RBMS2: variants seen among roughly 807,000 people sequenced by gnomAD.
RBMS2 encodes RNA binding motif single stranded interacting protein 2.
A neutral mutation model predicts 58.4 loss-of-function variants in RBMS2; 38 were observed. The ratio of observed to expected loss-of-function variants is 0.65; its 90% confidence interval spans 0.50 to 0.85. RBMS2 has a LOEUF of 0.85. Among genes scored for constraint, RBMS2 ranks in the 40% least tolerant of loss-of-function variants. RBMS2 has a pLI of 0.00. For missense variants in RBMS2, 367 were observed against 503.7 expected (o/e 0.73, Z 2.60); for synonymous variants, 151 against 180.7 (o/e 0.84, Z 1.32).
chr12:56,587,004 G>C, intron 10 of RBMS2, 78 bp downstream of exon 10: 1 of 1,421,244 alleles, frequency 7.0e-7, no homozygotes. Flanking sequence ...TGTGGCTCAC[G>C]CCTGTAATCC....
rs371212744 is a variant in RBMS2 at position 56,582,148 on chromosome 12, A to G, written c.869A>G (p.Tyr290Cys). The G allele has an allele frequency of 6.2e-7, 1 of 1,601,034 alleles. No homozygotes were observed. The change falls in exon 9 of 14, where the codon TAT becomes TGT. Residue 290 changes from tyrosine to cysteine, a missense_variant. Physicochemically the swap from Tyr to Cys is radical, Grantham distance 194 (BLOSUM62 -2). This residue lies in a region of RBMS2 where 220 missense variants were observed against 261.1 expected (regional missense o/e 0.84). Coordinates refer to ENST00000262031, the MANE Select transcript of RBMS2 (RefSeq NM_002898.4). ...SPYLSSPVSS[Y>C]QRVTQTSPLQ... ...TACCTTTCCTCTCCTGTGTCTTCGT[A>G]TCAGGTATGTTCATGCCTGAAAAAT...
intron 2 of RBMS2, 48 bp from the exon 3 acceptor site, chr12:56,568,927 T>C (rs1248041654): frequency 1.4e-6 from 2 of 1,472,716 alleles, no homozygotes; most frequent in Non-Finnish European, 1.9e-6. Context: ...TGTCCTATTC[T>C]TAGTCTCTGC....
intron 1 of RBMS2, among the ~76,000 whole-genome samples, chr12:56,532,134 G>A (rs1384929158): frequency 1.3e-5 from 2 of 152,008 alleles, no homozygotes; most frequent in Admixed American, 6.6e-5. Context: ...CAGGAGAATC[G>A]CTTGAACCCA....
chr12:56,532,542 CA>C (rs988357992), intron 1 of RBMS2, among the ~76,000 whole-genome samples: 13 of 139,972 alleles, frequency 9.3e-5, no homozygotes, highest in East Asian at 2.1e-4. Context: ...AACTCTGTCT[CA>C]AAAAAAAAAG....
intron 1 of RBMS2, among the ~76,000 whole-genome samples, chr12:56,522,726 C>G (rs1276669224): frequency 4.6e-5 from 7 of 152,152 alleles, no homozygotes; most frequent in Non-Finnish European, 1.0e-4. Context: ...CTGCAGATAG[C>G]CAGACTTTGC....
chr12:56,588,646 AAAG>A (rs1885014677), intron 12 of RBMS2: 1 of 588,530 alleles, frequency 1.7e-6, no homozygotes, highest in Admixed American at 3.1e-5. Flanking sequence ...CAGATGTAGG[AAAG>A]AAGGACTTGG....
Position 56,562,579 on chromosome 12 carries a change from C to T in RBMS2, c.229C>T (p.Gln77Ter), listed in dbSNP as rs1400347791. 6.2e-7 allele frequency: 1 copy of T among 1,613,304 alleles called. No homozygotes were observed. Residue 77 changes from glutamine (Q) to a stop codon, truncating the protein, a stop_gained, in exon 2 of 14, where the codon CAG (glutamine) becomes TAG (stop). Transcript: ENST00000262031. LOFTEE classifies it high-confidence loss of function. ...TGACCAAGATCTTGTCAAGCTGTGT[C>T]AGCCGTAAGTTGGAGTACATGTGCG... ...TTDQDLVKLC[Q>*]PYGKIVSTKA... is the part of the protein sequence containing the mutation.
chr12:56,554,126 A>G (rs954880385), intron 1 of RBMS2, among the ~76,000 whole-genome samples: 1 of 152,088 alleles, frequency 6.6e-6, no homozygotes, highest in Non-Finnish European at 1.5e-5. Flanking sequence ...CACCCGGCCG[A>G]ATTCTTCTAA....
intron 9 of RBMS2, 24 bp downstream of exon 9, chr12:56,582,176 T>C (rs1347767361): frequency 1.3e-6 from 2 of 1,554,138 alleles, no homozygotes; most frequent in African/African-American, 1.4e-5. Context: ...TGAAAAATGG[T>C]GTGGTGGTTT....
At chr12:56,552,092 T>G (rs1436759494) in intron 1 of RBMS2, among the ~76,000 whole-genome samples, 1 of 152,124 alleles carries the variant, frequency 6.6e-6, no homozygotes, top group African/African-American at 2.4e-5. Flanking sequence ...AAAAGCCTGG[T>G]AGTGTGATGA....
chr12:56,540,173 A>G (rs1461825482), intron 1 of RBMS2, among the ~76,000 whole-genome samples: 1 of 152,086 alleles, frequency 6.6e-6, no homozygotes, highest in Non-Finnish European at 1.5e-5. Flanking sequence ...TGAAAATTTT[A>G]TTAGGGCCAG....
chr12:56,522,388 T>C (rs1040145506), intron 1 of RBMS2, among the ~76,000 whole-genome samples: 1 of 152,138 alleles, frequency 6.6e-6, no homozygotes, highest in African/African-American at 2.4e-5. Flanking sequence ...TGCTGATGTA[T>C]CAATCTCCAC....
chr12:56,538,025 T>A (rs201160761), intron 1 of RBMS2, among the ~76,000 whole-genome samples: 2 of 24,684 alleles, frequency 8.1e-5, no homozygotes, highest in Non-Finnish European at 2.3e-4. Flanking sequence ...TATTTTATTT[T>A]ATTTATTTAT....
intron 1 of RBMS2, among the ~76,000 whole-genome samples, chr12:56,547,455 A>C (rs1328112694): frequency 6.6e-6 from 1 of 152,094 alleles, no homozygotes; most frequent in Non-Finnish European, 1.5e-5. Flanking sequence ...GGATTGCTTG[A>C]GTCCAGGAGT....
rs1382469643 is a variant in RBMS2, at chr12:56,581,784, A to G, written c.733-49A>G. On this transcript the variant is annotated intron_variant, in intron 7 of 13. Transcript: ENST00000262031. ...CCTTGGACATTCTGGGCCAGCTCCT[A>G]TTCTCACTCAAGGGCTCACAATGTG... 21 of 1,602,482 alleles carry G rather than the reference A, an allele frequency of 1.3e-5. No individual in the cohort carries two copies. The East Asian group carries it at 4.0e-4, about 31-fold the overall frequency.
At chr12:56,551,877 C>T (rs983408841) in intron 1 of RBMS2, among the ~76,000 whole-genome samples, 8 of 152,170 alleles carry the variant, frequency 5.3e-5, no homozygotes, top group African/African-American at 1.9e-4. Context: ...CACCTGAGGT[C>T]GGGAGTTCAA....
chr12:56,524,143 G>T (rs1318940959), intron 1 of RBMS2, among the ~76,000 whole-genome samples: 1 of 152,152 alleles, frequency 6.6e-6, no homozygotes, highest in Admixed American at 6.5e-5. Flanking sequence ...TCTAAATCTA[G>T]GATAGTATAG....
chr12:56,542,265 A>T (rs138247214), intron 1 of RBMS2, among the ~76,000 whole-genome samples: 1,732 of 151,640 alleles, frequency 0.011, 9 homozygotes, highest in South Asian at 0.02. Flanking sequence ...GAGTTTCGCC[A>T]TGTTGCCCAG....
chr12:56,571,097 C>CT (rs1420877121), intron 4 of RBMS2, among the ~76,000 whole-genome samples: 2 of 152,184 alleles, frequency 1.3e-5, no homozygotes, highest in Admixed American at 6.5e-5. Flanking sequence ...ATTCTGTCCC[C>CT]TGGAAGGGCT....
Sources: gnomAD v4.1 joint callset for allele counts (sites outside exome capture counted in the v4.1 genomes callset) on GRCh38, gnomAD v4.1.1 for gene constraint, gnomAD v4.1.1 regional missense constraint, MANE v1.5 for transcripts, NCBI Gene and HGNC (gene_info 2026-07-23, HGNC 2026-07-21) for gene names.